VWDE: variants seen among roughly 807,000 people sequenced by gnomAD.
VWDE encodes the protein von Willebrand factor D and EGF domain-containing protein.
Under a neutral mutation model 178.4 loss-of-function variants are expected in VWDE, and 207 were observed. That is an observed-to-expected ratio of 1.16 (90% confidence interval 1.04 to 1.30). VWDE has a LOEUF of 1.30. VWDE is among the 50% of genes most tolerant of loss of function. The probability of loss-of-function intolerance (pLI) is 0.00; values close to 1 mark genes in which losing one functional copy is unlikely to be tolerated. For synonymous variants in VWDE, 738 were observed against 651.4 expected (o/e 1.13, Z -2.02); for missense variants, 2,287 against 1,901.3 (o/e 1.20, Z -3.77).
rs1336646190 is a variant in VWDE, at chr7:12,403,757, G to A, written c.-41C>T. On this transcript the variant is annotated 5_prime_UTR_variant, in exon 1 of 29. Coordinates refer to ENST00000275358, the MANE Select transcript of VWDE (RefSeq NM_001135924.3). ...TGGGGCGAAAGGCGTCGCAGAGCCC[G>A]GGCCGCGGGTGCCAGGAGGATGGGG... is the stretch of plus-strand genomic sequence containing the variant. The A allele has an allele frequency of 9.7e-6, 15 of 1,547,982 alleles. No individual in the cohort carries two copies. The Admixed American group carries it at 2.0e-4, about 20-fold the overall frequency.
At position 12,336,987 on chromosome 7, in the gene VWDE, C is replaced by G; in HGVS notation, c.4558+1G>C. On this transcript the variant is annotated splice_donor_variant, in intron 26 of 28. Coordinates refer to ENST00000275358, the MANE Select transcript of VWDE (RefSeq NM_001135924.3). LOFTEE classifies it high-confidence loss of function. ...CAGTGTTTTAAGAGTATTCCTCTTA[C>G]GTGTGTTGCATCGTTTCCCACTCCA... 3 of 1,549,494 alleles carry G rather than the reference C, an allele frequency of 1.9e-6. No homozygotes were observed. Among genetic ancestry groups the G allele is most frequent in the South Asian group, 1.2e-5 (1 of 83,768 alleles).
intron 23 of VWDE, among the ~76,000 whole-genome samples, chr7:12,341,630 T>C (rs1781335233): frequency 1.2e-5 from 1 of 85,612 alleles, no homozygotes; most frequent in African/African-American, 7.4e-5. Context: ...AGACTCTGTC[T>C]AAATGAAAAA....
At chr7:12,388,998 A>C (rs1350079989) in intron 3 of VWDE, 129 bp downstream of exon 3, 1 of 804,842 alleles carries the variant, frequency 1.2e-6, no homozygotes, top group Non-Finnish European at 2.1e-6. Flanking sequence ...TTTAGCTTCA[A>C]TCTAGCAATA....
At chr7:12,334,704 C>A (rs1780917629) in intron 27 of VWDE, among the ~76,000 whole-genome samples, 1 of 152,192 alleles carries the variant, frequency 6.6e-6, no homozygotes, top group South Asian at 2.1e-4. Flanking sequence ...CTGCAGGATG[C>A]AGAAACAGGG....
At chr7:12,393,948 C>A (rs763574772) in intron 1 of VWDE, among the ~76,000 whole-genome samples, 170 bp from the exon 2 acceptor site, 4 of 152,168 alleles carry the variant, frequency 2.6e-5, no homozygotes, top group Non-Finnish European at 5.9e-5. Flanking sequence ...AATGACTTAA[C>A]TAACTTGCAT....
Position 12,401,668 on chromosome 7 carries a change from T to G in VWDE, c.58+1991A>C, listed in dbSNP as rs1784900925. 3.3e-5 allele frequency among the ~76,000 whole-genome samples: 5 copies of G among 152,224 alleles called. No individual in the cohort carries two copies. In the South Asian group the frequency reaches 1.0e-3, roughly 32 times the overall value. On this transcript the variant is annotated intron_variant, in intron 1 of 28. Coordinates refer to ENST00000275358, the MANE Select transcript of VWDE (RefSeq NM_001135924.3). ...AAGTGTTGATGGAAACATGAAGAAG[T>G]TAGAAGCTTTACACACTGTTGCAGA...
intron 2 of VWDE, among the ~76,000 whole-genome samples, chr7:12,391,186 A>C (rs848011): frequency 2.0e-5 from 3 of 152,014 alleles, no homozygotes; most frequent in Non-Finnish European, 2.9e-5. Context: ...TGTTAATAAC[A>C]GTAGTTATGA....
intron 1 of VWDE, among the ~76,000 whole-genome samples, chr7:12,398,090 C>CA (rs1259168040): frequency 4.6e-5 from 7 of 152,036 alleles, no homozygotes; most frequent in African/African-American, 1.7e-4. Context: ...ATTATTCTAC[C>CA]AAAAACACAC....
intron 10 of VWDE, 69 bp from the exon 11 acceptor site, chr7:12,370,933 C>A (rs1189997661): frequency 6.8e-6 from 8 of 1,181,302 alleles, no homozygotes; most frequent in Admixed American, 6.9e-5. Context: ...TAAGAAAAAT[C>A]TATTATTTAA....
chr7:12,347,492 T>C (rs954911202), intron 19 of VWDE, among the ~76,000 whole-genome samples: 1 of 152,086 alleles, frequency 6.6e-6, no homozygotes, highest in African/African-American at 2.4e-5. Context: ...TACTAAAATG[T>C]AGTATAAAGC....
chr7:12,337,121 AAC>A, intron 25 of VWDE, 38 bp from the exon 26 acceptor site: 1 of 1,551,444 alleles, frequency 6.4e-7, no homozygotes, highest in South Asian at 1.2e-5. Flanking sequence ...CCTTAAATTC[AAC>A]AGTTTTGTCT....
chr7:12,367,143 G>A (rs1294907645), intron 13 of VWDE, among the ~76,000 whole-genome samples: 3 of 151,954 alleles, frequency 2.0e-5, no homozygotes, highest in Non-Finnish European at 2.9e-5. Flanking sequence ...TGAAAACAGT[G>A]AGCCGATACT....
chr7:12,332,027 T>C (rs3815529), intron 28 of VWDE, among the ~76,000 whole-genome samples: 101,664 of 151,906 alleles, frequency 0.67, 35,513 homozygotes, highest in African/African-American at 0.89. Flanking sequence ...AGTTAGCCAG[T>C]CTGAACCCTC....
In VWDE at chr7:12,331,149, G is replaced by A. The variant is rs767911739; in HGVS notation, c.*34C>T. The A allele has an allele frequency of 3.4e-5, 52 of 1,514,202 alleles. No individual in the cohort carries two copies. Among genetic ancestry groups the A allele is most frequent in the Non-Finnish European group, 4.3e-5 (48 of 1,124,936 alleles). The allele number at this position is 1,514,202 out of a possible 1,614,324, so 93.8% of individuals were successfully genotyped here. A position where few individuals can be genotyped will look rare whatever the true frequency, so the allele number is the denominator to read the frequency against. On this transcript the variant is annotated 3_prime_UTR_variant, in exon 29 of 29. Transcript: ENST00000275358. ...CTGAACAAAATATTTCCATTCTTAA[G>A]ATACAGGCTTGTAATTCATATACTT...
chr7:12,345,853 G>A (rs75217020), intron 19 of VWDE, among the ~76,000 whole-genome samples: 2,602 of 152,168 alleles, frequency 0.017, 69 homozygotes, highest in African/African-American at 0.059. Flanking sequence ...AGTGATGAGC[G>A]GGAGATGTTG....
intron 7 of VWDE, 57 bp from the exon 8 acceptor site, chr7:12,375,284 T>A: frequency 8.5e-7 from 1 of 1,170,200 alleles, no homozygotes; most frequent in Non-Finnish European, 1.2e-6. Flanking sequence ...AACCAAAGCA[T>A]GTAATAAATT....
intron 27 of VWDE, among the ~76,000 whole-genome samples, chr7:12,334,092 G>A (rs1861310): frequency 0.63 from 95,042 of 151,796 alleles, 30,113 homozygotes; most frequent in African/African-American, 0.74. Context: ...CTTTCCCAAG[G>A]CAATTAAAAA....
chr7:12,375,290 AAATT>A, intron 7 of VWDE, 63 bp from the exon 8 acceptor site: 1 of 1,147,146 alleles, frequency 8.7e-7, no homozygotes, highest in Middle Eastern at 2.0e-4. Flanking sequence ...AGCATGTAAT[AAATT>A]AATTAACATG....
rs773529511 is a variant in VWDE, at chr7:12,380,679, A to T, written c.596T>A (p.Val199Glu). 2.6e-6 allele frequency: 4 copies of T among 1,551,846 alleles called. No homozygotes were observed. Residue 199 changes from valine to glutamate, a missense_variant, in exon 5 of 29, where the codon GTG (valine) becomes GAG (glutamate). By Grantham distance (121) the Val-to-Glu change is moderately radical. Transcript: ENST00000275358. ...PPPAGRPEVL[V>E]ELIESRLFCR... ...GAAAAGCCTGGACTCAATCAACTCCACCAGAACCTCTGGCCTTCCTGCAGG... is the reference window on the plus strand; with the variant it reads ...GAAAAGCCTGGACTCAATCAACTCCTCCAGAACCTCTGGCCTTCCTGCAGG...
Sources: allele counts gnomAD v4.1 joint callset (sites outside exome capture counted in the v4.1 genomes callset), GRCh38; gene constraint gnomAD v4.1.1; transcripts MANE v1.5; gene names NCBI Gene and HGNC (gene_info 2026-07-23, HGNC 2026-07-21).